The following QKI variants were observed in gnomAD, a reference collection of about 807,000 sequenced individuals.
The protein encoded by QKI is KH domain-containing RNA-binding protein QKI.
A neutral mutation model predicts 39.0 loss-of-function variants in QKI; 10 were observed. The observed-to-expected ratio is 0.26, with a 90% CI of 0.16 to 0.43. The LOEUF (loss-of-function observed/expected upper bound fraction) is 0.43. QKI is among the 20% of genes least tolerant of loss of function. The pLI is 1.00. For synonymous variants in QKI, 204 were observed against 155.4 expected (o/e 1.31, Z -2.33); for missense variants, 218 against 428.0 (o/e 0.51, Z 4.33).
intron 3 of QKI, among the ~76,000 whole-genome samples, chr6:163,517,067 CTCTCTCTCTCTCTT>C (rs1197995947): frequency 9.3e-4 from 72 of 77,400 alleles, no homozygotes; most frequent in African/African-American, 4.5e-3. Flanking sequence ...CACTCTCTCT[CTCTCTCTCTCTCTT>C]TCTCTCTCTC....
chr6:163,508,713 G>A (rs1282982831), intron 3 of QKI, among the ~76,000 whole-genome samples: 2 of 151,300 alleles, frequency 1.3e-5, no homozygotes, highest in Non-Finnish European at 2.9e-5. Context: ...TATTTTAGTA[G>A]AGATGGGGTT....
chr6:163,468,748 G>T (rs16895001), intron 2 of QKI, among the ~76,000 whole-genome samples: 4,235 of 152,122 alleles, frequency 0.028, 195 homozygotes, highest in African/African-American at 0.096. Context: ...CTTAGCTCAG[G>T]CTGTTTGAAA....
intron 3 of QKI, among the ~76,000 whole-genome samples, chr6:163,523,424 TA>T (rs1780281163): frequency 6.6e-6 from 1 of 152,192 alleles, no homozygotes; most frequent in Non-Finnish European, 1.5e-5. Flanking sequence ...GAGACAATAA[TA>T]AATGTCTTTT....
At chr6:163,559,314 C>A (rs1408124343) in intron 4 of QKI, among the ~76,000 whole-genome samples, 1 of 152,002 alleles carries the variant, frequency 6.6e-6, no homozygotes. Flanking sequence ...ACCTACTGCT[C>A]TTCTTTTTCT....
chr6:163,489,058 A>G (rs1180127211), intron 3 of QKI, among the ~76,000 whole-genome samples: 1 of 141,642 alleles, frequency 7.1e-6, no homozygotes, highest in Non-Finnish European at 1.5e-5. Flanking sequence ...TTCATAGATT[A>G]TTATACTCTC....
In QKI at chr6:163,500,097, T is replaced by C. The variant is rs188206280; in HGVS notation, c.402+21201T>C. ...CTCAGTTGTGAATGTGATGGGACTG[T>C]CCAAGGAATAGCAAAGTCAGCAAGG... On this transcript the variant is annotated intron_variant, in intron 3 of 7. Coordinates refer to ENST00000361752, the MANE Select transcript of QKI (RefSeq NM_006775.3). 7.9e-4 allele frequency among the ~76,000 whole-genome samples: 121 copies of C among 152,224 alleles called. 2 individuals are homozygous for C. In the East Asian group the frequency reaches 0.02, roughly 25 times the overall value.
intron 4 of QKI, among the ~76,000 whole-genome samples, chr6:163,561,669 T>A (rs1421506909): frequency 6.6e-6 from 1 of 152,216 alleles, no homozygotes; most frequent in Admixed American, 6.5e-5. Flanking sequence ...GAATATGTTA[T>A]GTTTAGTCTT....
intron 1 of QKI, among the ~76,000 whole-genome samples, chr6:163,417,598 GTC>G (rs1787626495): frequency 1.3e-5 from 2 of 152,024 alleles, no homozygotes; most frequent in Admixed American, 1.3e-4. Flanking sequence ...TTATGTCATT[GTC>G]TCTGACAAAG....
intron 3 of QKI, among the ~76,000 whole-genome samples, chr6:163,497,285 T>G (rs1778467120): frequency 6.6e-6 from 1 of 152,156 alleles, no homozygotes; most frequent in Admixed American, 6.6e-5. Flanking sequence ...AAATCTTAAA[T>G]TCTTTTGGAA....
intron 2 of QKI, among the ~76,000 whole-genome samples, chr6:163,473,334 TTG>T (rs1792345594): frequency 1.3e-5 from 2 of 152,204 alleles, no homozygotes; most frequent in South Asian, 4.1e-4. Flanking sequence ...CACCACTACG[TTG>T]TATTGGCCAA....
At position 163,544,653 on chromosome 6, in the gene QKI, A is replaced by T. The variant is rs572659807; in HGVS notation, c.546+9528A>T. On this transcript the variant is annotated intron_variant, in intron 4 of 7. Transcript: ENST00000361752. ...TTTAAGCCAAAAATTTTGAGACTGT[A>T]AAATACTTTTAACAAAATAAACATG... Among the ~76,000 whole-genome samples the T allele has an allele frequency of 2.0e-5, 3 of 152,152 alleles. No individual in the cohort carries two copies. The South Asian group carries it at 6.2e-4, about 32-fold the overall frequency.
chr6:163,542,556 C>T (rs1781601636), intron 4 of QKI, among the ~76,000 whole-genome samples: 1 of 152,024 alleles, frequency 6.6e-6, no homozygotes, highest in African/African-American at 2.4e-5. Context: ...GACTGTAATA[C>T]AGAAATTAAG....
intron 4 of QKI, among the ~76,000 whole-genome samples, chr6:163,554,414 A>G (rs902397901): frequency 9.2e-5 from 14 of 152,252 alleles, no homozygotes; most frequent in Admixed American, 9.2e-4. Context: ...AGCATTGGAA[A>G]GCATATGGCA....
chr6:163,553,692 G>T (rs1044927360), intron 4 of QKI, among the ~76,000 whole-genome samples: 1 of 152,174 alleles, frequency 6.6e-6, no homozygotes, highest in Non-Finnish European at 1.5e-5. Context: ...AGCATTAGAA[G>T]AAGTAAGTAC....
intron 1 of QKI, among the ~76,000 whole-genome samples, chr6:163,442,676 A>G (rs1389764594): frequency 6.6e-6 from 1 of 152,180 alleles, no homozygotes; most frequent in Non-Finnish European, 1.5e-5. Context: ...TGGACTTGAC[A>G]TTGTGTCATT....
intron 4 of QKI, among the ~76,000 whole-genome samples, chr6:163,551,330 C>T (rs1484158405): frequency 6.6e-6 from 1 of 152,176 alleles, no homozygotes; most frequent in African/African-American, 2.4e-5. Flanking sequence ...TTAGGTCCCA[C>T]AGGTTGAGGG....
intron 1 of QKI, among the ~76,000 whole-genome samples, chr6:163,440,816 T>A (rs1388717271): frequency 6.6e-6 from 1 of 152,106 alleles, no homozygotes; most frequent in South Asian, 2.1e-4. Flanking sequence ...GTAAAATACA[T>A]AGTTGTTGAA....
At chr6:163,562,158 C>A in intron 5 of QKI, 89 bp downstream of exon 5, 2 of 823,996 alleles carry the variant, frequency 2.4e-6, no homozygotes, top group Non-Finnish European at 3.7e-6. Context: ...AATAATAGTT[C>A]ATACAAAGTG....
intron 1 of QKI, among the ~76,000 whole-genome samples, chr6:163,418,241 ATG>A (rs1193565614): frequency 6.6e-6 from 1 of 152,092 alleles, no homozygotes; most frequent in African/African-American, 2.4e-5. Context: ...GGAATTTTAA[ATG>A]AGATTTTAAA....
Sources: gnomAD v4.1 joint callset for allele counts (sites outside exome capture counted in the v4.1 genomes callset) on GRCh38, gnomAD v4.1.1 for gene constraint, MANE v1.5 for transcripts, NCBI Gene and HGNC (gene_info 2026-07-23, HGNC 2026-07-21) for gene names.